Variants in TAS2R1 observed in about 807,000 individuals in gnomAD.
The protein encoded by TAS2R1 is taste 2 receptor member 1.
For synonymous variants in TAS2R1, 141 were observed against 134.2 expected (o/e 1.05, Z -0.35); for missense variants, 370 against 353.4 (o/e 1.05, Z -0.38).
the TAS2R1 span, among the ~76,000 whole-genome samples, chr5:9,745,477 A>C: frequency 6.6e-6 from 1 of 152,066 alleles, no homozygotes; most frequent in Admixed American, 6.5e-5. Flanking sequence ...CTAGGCAAAA[A>C]GAACAAAGCT....
the TAS2R1 span, among the ~76,000 whole-genome samples, chr5:9,809,446 T>C: frequency 6.6e-6 from 1 of 151,994 alleles, no homozygotes; most frequent in Non-Finnish European, 1.5e-5. Flanking sequence ...GACCCTCCAT[T>C]ATGGGATTAG....
chr5:9,671,963 G>A (rs561356276), intron 1 of TAS2R1, among the ~76,000 whole-genome samples: 3 of 151,788 alleles, frequency 2.0e-5, no homozygotes, highest in African/African-American at 7.3e-5. Flanking sequence ...TAGATCAATG[G>A]GACAGAGCCC....
intron 2 of TAS2R1, among the ~76,000 whole-genome samples, chr5:9,653,033 C>T (rs1740337270): frequency 6.6e-6 from 1 of 152,146 alleles, no homozygotes. Flanking sequence ...CAAACAATAA[C>T]TCACCATTTC....
intron 1 of TAS2R1, among the ~76,000 whole-genome samples, chr5:9,668,977 T>G (rs1385954945): frequency 6.6e-6 from 1 of 152,114 alleles, no homozygotes; most frequent in Admixed American, 6.6e-5. Context: ...ACAAGTTGTA[T>G]AAAGAAGCAA....
At chr5:9,776,926 T>C in the TAS2R1 span, among the ~76,000 whole-genome samples, 1 of 152,252 alleles carries the variant, frequency 6.6e-6, no homozygotes, top group Non-Finnish European at 1.5e-5. Context: ...GTTTGCACTA[T>C]AATGTAGTCT....
intron 1 of TAS2R1, among the ~76,000 whole-genome samples, chr5:9,689,119 T>C (rs558545726): frequency 3.2e-4 from 49 of 152,320 alleles, no homozygotes; most frequent in African/African-American, 9.4e-4. Flanking sequence ...GCCCATTTAC[T>C]GACTTTTATC....
the TAS2R1 span, among the ~76,000 whole-genome samples, chr5:9,851,222 T>C: frequency 0.058 from 8,905 of 152,288 alleles, 628 homozygotes; most frequent in East Asian, 0.23. Flanking sequence ...TCCAAACTTA[T>C]TGATAACCTA....
intron 2 of TAS2R1, chr5:9,641,931 T>C (rs1385766372): frequency 2.0e-5 from 3 of 152,170 alleles, no homozygotes; most frequent in South Asian, 2.1e-4. Context: ...TTGGAACAGA[T>C]GGGACAAGAC....
At chr5:9,631,358 G>A (rs992185817), upstream of TAS2R1, among the ~76,000 whole-genome samples, 1 of 152,126 alleles carries the variant, frequency 6.6e-6, no homozygotes, top group Non-Finnish European at 1.5e-5. Context: ...TCCTGCCTCA[G>A]CCTTCTGAGT....
chr5:9,790,377 CAT>C, the TAS2R1 span, among the ~76,000 whole-genome samples: 3,071 of 152,078 alleles, frequency 0.02, 49 homozygotes, highest in Middle Eastern at 0.037. Flanking sequence ...TAAACTCAAC[CAT>C]ATAGTTAGCA....
the TAS2R1 span, among the ~76,000 whole-genome samples, chr5:9,785,948 T>C: frequency 6.6e-6 from 1 of 152,154 alleles, no homozygotes; most frequent in Non-Finnish European, 1.5e-5. Flanking sequence ...CCACTGAAAA[T>C]ATACAAAGTA....
chr5:9,685,136 G>A (rs1450004973), intron 1 of TAS2R1, among the ~76,000 whole-genome samples: 1 of 152,200 alleles, frequency 6.6e-6, no homozygotes, highest in East Asian at 1.9e-4. Flanking sequence ...GCAGAGATCT[G>A]AGAGGCATTC....
the TAS2R1 span, among the ~76,000 whole-genome samples, chr5:9,873,827 C>A: frequency 3.4e-5 from 5 of 146,834 alleles, no homozygotes; most frequent in East Asian, 1.0e-3. Flanking sequence ...GGAGATTGAG[C>A]CATTGCATTC....
chr5:9,679,782 A>C (rs141314801), intron 1 of TAS2R1, among the ~76,000 whole-genome samples: 38 of 152,338 alleles, frequency 2.5e-4, no homozygotes, highest in African/African-American at 8.2e-4. Context: ...AAATGGTAAC[A>C]TACATAAATA....
the TAS2R1 span, among the ~76,000 whole-genome samples, chr5:9,797,274 G>A: frequency 2.0e-5 from 3 of 152,186 alleles, no homozygotes; most frequent in Non-Finnish European, 2.9e-5. Flanking sequence ...AGAGGCCAGG[G>A]GTACTGCTGA....
the TAS2R1 span, among the ~76,000 whole-genome samples, chr5:9,740,963 C>T: frequency 4.6e-5 from 7 of 152,144 alleles, no homozygotes; most frequent in African/African-American, 1.7e-4. Flanking sequence ...AACTTGAAGA[C>T]GTTTATTAAC....
intron 2 of TAS2R1, chr5:9,659,272 T>C (rs27843): frequency 0.44 from 66,490 of 151,882 alleles, 15,920 homozygotes; most frequent in Non-Finnish European, 0.54. Flanking sequence ...TATCCCTCTC[T>C]CTTGAGACTC....
chr5:9,855,501 G>A, the TAS2R1 span, among the ~76,000 whole-genome samples: 7 of 152,222 alleles, frequency 4.6e-5, no homozygotes, highest in Admixed American at 1.3e-4. Flanking sequence ...CAGAGAGAGC[G>A]TGCACACATG....
At chr5:9,727,564 G>A in the TAS2R1 span, among the ~76,000 whole-genome samples, 1 of 152,210 alleles carries the variant, frequency 6.6e-6, no homozygotes, top group Non-Finnish European at 1.5e-5. Flanking sequence ...AGATTCCCCA[G>A]ACTGGAGAGA....
Sources: gnomAD v4.1 joint callset for allele counts (sites outside exome capture counted in the v4.1 genomes callset) on GRCh38, gnomAD v4.1.1 for gene constraint, MANE v1.5 for transcripts, NCBI Gene and HGNC (gene_info 2026-07-23, HGNC 2026-07-21) for gene names.